PTBP2: variants seen among roughly 807,000 people sequenced by gnomAD.
PTBP2 encodes the protein polypyrimidine tract binding protein 2, also known as polypyrimidine tract-binding protein 2.
PTBP2 carries 13 observed loss-of-function variants against 61.4 expected under a neutral mutation model. The ratio of observed to expected loss-of-function variants is 0.21; its 90% confidence interval spans 0.14 to 0.34. The LOEUF is 0.34. PTBP2 is among the 10% of genes least tolerant of loss of function. The pLI is 1.00. For missense variants in PTBP2, 405 were observed against 642.6 expected (o/e 0.63, Z 4.00); for synonymous variants, 215 against 218.5 (o/e 0.98, Z 0.14).
chr1:96,779,577 C>T (rs1658419751), intron 7 of PTBP2, among the ~76,000 whole-genome samples: 1 of 152,036 alleles, frequency 6.6e-6, no homozygotes, highest in African/African-American at 2.4e-5. Context: ...AGATACTAAG[C>T]ATCCAACTAT....
At chr1:96,746,719 AAGT>A (rs1414363952) in intron 2 of PTBP2, among the ~76,000 whole-genome samples, 1 of 150,814 alleles carries the variant, frequency 6.6e-6, no homozygotes, top group African/African-American at 2.4e-5. Context: ...AAAAAAAAAA[AAGT>A]GTGTGTTTTA....
chr1:96,796,111 G>T (rs931710314), intron 8 of PTBP2, among the ~76,000 whole-genome samples: 2 of 151,964 alleles, frequency 1.3e-5, no homozygotes, highest in Non-Finnish European at 2.9e-5. Context: ...TGCTTTTTAG[G>T]ACCATTGTTA....
chr1:96,747,292 C>T (rs1176553789), intron 2 of PTBP2, among the ~76,000 whole-genome samples: 1 of 152,118 alleles, frequency 6.6e-6, no homozygotes, highest in Non-Finnish European at 1.5e-5. Context: ...TCCCAAATAA[C>T]AGTTTTTAGC....
intron 9 of PTBP2, 113 bp downstream of exon 9, chr1:96,805,052 A>G (rs1354262907): frequency 4.9e-6 from 4 of 808,512 alleles, no homozygotes; most frequent in East Asian, 2.8e-5. Flanking sequence ...TCATTAGTCA[A>G]AGTATTTTCT....
chr1:96,773,670 A>T (rs1657655059), intron 5 of PTBP2, among the ~76,000 whole-genome samples: 1 of 151,564 alleles, frequency 6.6e-6, no homozygotes, highest in African/African-American at 2.4e-5. Flanking sequence ...GGTCAACAAA[A>T]CTCCCTTTAG....
intron 3 of PTBP2, among the ~76,000 whole-genome samples, chr1:96,759,608 A>G (rs1301164841): frequency 6.6e-6 from 1 of 152,230 alleles, no homozygotes; most frequent in Non-Finnish European, 1.5e-5. Flanking sequence ...CATAGGATAT[A>G]CTTGCAACTT....
intron 3 of PTBP2, among the ~76,000 whole-genome samples, chr1:96,763,678 C>T (rs1273788188): frequency 6.6e-6 from 1 of 151,296 alleles, no homozygotes; most frequent in Non-Finnish European, 1.5e-5. Flanking sequence ...ATATAATGTA[C>T]TTCATGACCA....
intron 3 of PTBP2, among the ~76,000 whole-genome samples, chr1:96,762,389 C>CT (rs1553178517): frequency 3.4e-5 from 5 of 148,096 alleles, no homozygotes; most frequent in African/African-American, 1.3e-4. Flanking sequence ...GCTGGCCGGG[C>CT]GGGGGGCTGA....
Position 96,751,444 on chromosome 1 carries a change from T to C in PTBP2, c.59T>C (p.Leu20Pro). 1 of 1,612,856 alleles carries C rather than the reference T, an allele frequency of 6.2e-7. No individual in the cohort carries two copies. The highest frequency in any genetic ancestry group is 8.5e-7 in the Non-Finnish European group (1 of 1,179,086). Residue 20 changes from leucine (L) to proline (P), a missense_variant, in exon 3 of 14, where the codon CTC (leucine) becomes CCC (proline). Leu to Pro is a moderately conservative substitution (Grantham distance 98). Coordinates refer to ENST00000674951, the MANE Select transcript of PTBP2 (RefSeq NM_021190.4). ...TCATAGAGAGGATCTGACGAACTAC[T>C]CTCAGGCAGTGTTCTCAGTAGTCCG... is the stretch of plus-strand genomic sequence containing the variant. ...VGVKRGSDEL[L>P]SGSVLSSPNS...
At chr1:96,784,894 A>G in intron 7 of PTBP2, 165 bp from the exon 8 acceptor site, 1 of 546,322 alleles carries the variant, frequency 1.8e-6, no homozygotes, top group Non-Finnish European at 3.1e-6. Context: ...GGAAAGTAAT[A>G]CATGGACAGC....
Position 96,721,788 on chromosome 1 carries a change from G to A in PTBP2, c.-77G>A. 16 of 1,541,498 alleles carry A rather than the reference G, an allele frequency of 1.0e-5. No homozygotes were observed. The highest frequency in any genetic ancestry group is 1.3e-5 in the Non-Finnish European group (15 of 1,140,500). ...CGGCAATTTCCGTCGGGCCCCAGCC[G>A]CCATTTTCTCGCCGCTTGTGTGGCT... On this transcript the variant is annotated 5_prime_UTR_variant, in exon 1 of 14. Transcript: ENST00000674951.
intron 4 of PTBP2, among the ~76,000 whole-genome samples, chr1:96,770,396 T>C (rs949367088): frequency 6.6e-6 from 1 of 152,020 alleles, no homozygotes; most frequent in Non-Finnish European, 1.5e-5. Flanking sequence ...TTCTCTAGGG[T>C]AGAAGTGGTA....
exon 14 of PTBP2, chr1:96,823,411 T>TAA (rs765724614): frequency 6.6e-6 from 1 of 152,236 alleles, no homozygotes; most frequent in Non-Finnish European, 1.5e-5. Flanking sequence ...GATACAATTT[T>TAA]AAGTTTTGAC....
At chr1:96,790,319 A>G (rs1570957061) in intron 8 of PTBP2, among the ~76,000 whole-genome samples, 1 of 151,186 alleles carries the variant, frequency 6.6e-6, no homozygotes. Flanking sequence ...TCTCAGTAGG[A>G]GACATCTAAT....
chr1:96,775,070 A>G (rs556104642), intron 5 of PTBP2, among the ~76,000 whole-genome samples: 1 of 152,210 alleles, frequency 6.6e-6, no homozygotes, highest in South Asian at 2.1e-4. Context: ...CCCTTTAGCT[A>G]TTTCTTCTCC....
chr1:96,754,313 C>T (rs1422803967), intron 3 of PTBP2, among the ~76,000 whole-genome samples: 2 of 152,054 alleles, frequency 1.3e-5, no homozygotes, highest in Non-Finnish European at 2.9e-5. Context: ...CTCTCTTTTC[C>T]TATCAGTTTC....
At chr1:96,752,197 A>T (rs1435253641) in intron 3 of PTBP2, among the ~76,000 whole-genome samples, 1 of 151,994 alleles carries the variant, frequency 6.6e-6, no homozygotes, top group Non-Finnish European at 1.5e-5. Context: ...ACGTGTTCTC[A>T]TCTGAATGGG....
chr1:96,809,786 A>G (rs940321935), intron 11 of PTBP2, among the ~76,000 whole-genome samples: 6 of 152,146 alleles, frequency 3.9e-5, no homozygotes, highest in African/African-American at 1.2e-4. Flanking sequence ...ATAAAGTACT[A>G]TATACAAATT....
At chr1:96,782,259 G>C (rs1032332050) in intron 7 of PTBP2, among the ~76,000 whole-genome samples, 3 of 151,822 alleles carry the variant, frequency 2.0e-5, no homozygotes, top group African/African-American at 7.2e-5. Context: ...TAAGTGGGTT[G>C]TTTCTTATTC....
Sources: allele counts gnomAD v4.1 joint callset (sites outside exome capture counted in the v4.1 genomes callset), GRCh38; gene constraint gnomAD v4.1.1; transcripts MANE v1.5; gene names NCBI Gene and HGNC (gene_info 2026-07-23, HGNC 2026-07-21).